GNG7: variants seen among roughly 807,000 people sequenced by gnomAD.
GNG7 encodes the protein G protein subunit gamma 7, also known as guanine nucleotide-binding protein G(I)/G(S)/G(O) subunit gamma-7.
A neutral mutation model predicts 4.0 loss-of-function variants in GNG7; 1 was observed. That is an observed-to-expected ratio of 0.25 (90% CI 0.09 to 1.18). The LOEUF (loss-of-function observed/expected upper bound fraction) is 1.18. Ranked by LOEUF, GNG7 falls within the 50% of genes most tolerant of loss-of-function variation. GNG7 has a pLI of 0.50. For missense variants in GNG7, 86 were observed against 91.9 expected (o/e 0.94, Z 0.26); for synonymous variants, 34 against 36.9 (o/e 0.92, Z 0.29).
chr19:2,695,174 G>A (rs1913215879), intron 1 of GNG7, among the ~76,000 whole-genome samples: 1 of 152,052 alleles, frequency 6.6e-6, no homozygotes, highest in African/African-American at 2.4e-5. Flanking sequence ...AGCGCCCTCT[G>A]TGTACCCACC....
intron 2 of GNG7, among the ~76,000 whole-genome samples, chr19:2,605,280 C>G (rs1334617157): frequency 1.3e-5 from 2 of 152,158 alleles, no homozygotes; most frequent in Admixed American, 1.3e-4. Flanking sequence ...CTCACTGCAA[C>G]CTCCGCCTCC....
At chr19:2,528,301 A>G (rs1978476781) in intron 3 of GNG7, among the ~76,000 whole-genome samples, 2 of 142,870 alleles carry the variant, frequency 1.4e-5, no homozygotes, top group African/African-American at 2.6e-5. Flanking sequence ...GGCCTGGCTC[A>G]GTGGCTCACG....
At position 2,614,070 on chromosome 19, in the gene GNG7, G is replaced by A. The variant is rs1246132685; in HGVS notation, c.-78+32154C>T. On this transcript the variant is annotated intron_variant, in intron 2 of 4. Coordinates refer to ENST00000382159, the MANE Select transcript of GNG7 (RefSeq NM_052847.3). This position sits in a 1 kb window ranked among gnomAD's most constrained non-coding sequence, Gnocchi z 6.0. ...CCTACCCCCGGGGTAAAGGGGGCCA[G>A]CCTCGCACAGGTGGGTCCGTTGCAG... Among the ~76,000 whole-genome samples the A allele has an allele frequency of 2.0e-5, 3 of 152,362 alleles. No individual in the cohort carries two copies. Among genetic ancestry groups the A allele is most frequent in the South Asian group, 2.1e-4 (1 of 4,834 alleles).
chr19:2,661,670 T>TAAAAA (rs57483197), intron 1 of GNG7, among the ~76,000 whole-genome samples: 1 of 108,660 alleles, frequency 9.2e-6, no homozygotes, highest in Non-Finnish European at 1.9e-5. Context: ...GAGACTCCAT[T>TAAAAA]AAAAAAAAAA....
intron 2 of GNG7, among the ~76,000 whole-genome samples, chr19:2,628,984 G>A (rs1246013801): frequency 1.3e-5 from 2 of 152,184 alleles, no homozygotes; most frequent in Admixed American, 6.5e-5. Flanking sequence ...ACCAGGCGGT[G>A]GGGGTCTTGG....
At chr19:2,686,758 T>C (rs1353035054) in intron 1 of GNG7, among the ~76,000 whole-genome samples, 1 of 150,868 alleles carries the variant, frequency 6.6e-6, no homozygotes, top group Non-Finnish European at 1.5e-5. Context: ...TCTTTCTTTT[T>C]TTTTTTTTTT....
intron 2 of GNG7, among the ~76,000 whole-genome samples, chr19:2,556,958 CTAACCTCTTAG>C (rs1356580128): frequency 1.3e-5 from 2 of 152,126 alleles, no homozygotes; most frequent in African/African-American, 4.8e-5. Flanking sequence ...TGTGAGATCC[CTAACCTCTTAG>C]TGACCTAGAG....
At chr19:2,598,433 G>T (rs370759295) in intron 2 of GNG7, among the ~76,000 whole-genome samples, 1 of 151,386 alleles carries the variant, frequency 6.6e-6, no homozygotes, top group African/African-American at 2.4e-5. Flanking sequence ...CGAGGCGGGC[G>T]GATCACGAGG....
chr19:2,663,096 G>A (rs902858289), intron 1 of GNG7, among the ~76,000 whole-genome samples: 2 of 152,286 alleles, frequency 1.3e-5, no homozygotes, highest in Non-Finnish European at 1.5e-5. Context: ...AAGTGTTGGG[G>A]TAATTTGTTA....
In GNG7 at chr19:2,634,781, G is replaced by T. The variant is rs1355451019; in HGVS notation, c.-78+11443C>A. Among the ~76,000 whole-genome samples the T allele has an allele frequency of 6.6e-6, 1 of 152,078 alleles. No homozygotes were observed. The highest frequency in any genetic ancestry group is 1.5e-5 in the Non-Finnish European group (1 of 68,010). On this transcript the variant is annotated intron_variant, in intron 2 of 4. Transcript: ENST00000382159. This position sits in a 1 kb window ranked among gnomAD's most constrained non-coding sequence, Gnocchi z 5.3. ...GCTGAAATCTGGTGACCGACCAGGGGGAAATAAACCCGCTCTGACTGGCCG... is the reference window on the plus strand; with the variant it reads ...GCTGAAATCTGGTGACCGACCAGGGTGAAATAAACCCGCTCTGACTGGCCG...
intron 2 of GNG7, among the ~76,000 whole-genome samples, chr19:2,641,538 G>A (rs564281547): frequency 3.3e-5 from 5 of 152,282 alleles, no homozygotes; most frequent in Non-Finnish European, 7.4e-5. Flanking sequence ...GGATGTGGGT[G>A]CCTCTAGACG....
In GNG7 at chr19:2,513,624, G is replaced by C. The variant is rs1972686509; in HGVS notation, c.*1398C>G. 3 of 972,888 alleles carry C rather than the reference G, an allele frequency of 3.1e-6. No homozygotes were observed. In the Admixed American group the frequency reaches 1.8e-4, roughly 60 times the overall value. The allele number at this position is 972,888 out of a possible 1,614,324, so 60.3% of individuals were successfully genotyped here. On this transcript the variant is annotated 3_prime_UTR_variant, in exon 5 of 5. Transcript: ENST00000382159. Reference sequence around the variant, plus strand: ...AGACAGCCGTCCTGGGTTGCACGGGGGTGGAAAAGCAAAAAGATCGGGTTC... The same window carrying C: ...AGACAGCCGTCCTGGGTTGCACGGGCGTGGAAAAGCAAAAAGATCGGGTTC...
chr19:2,642,977 T>C, intron 2 of GNG7: 2 of 437,594 alleles, frequency 4.6e-6, no homozygotes, highest in South Asian at 1.6e-5. Context: ...GCACCCGAAA[T>C]GCAAAGTCTG....
chr19:2,670,150 C>T (rs754777156), intron 1 of GNG7, among the ~76,000 whole-genome samples: 12 of 152,082 alleles, frequency 7.9e-5, no homozygotes, highest in Non-Finnish European at 1.6e-4. Flanking sequence ...CTGAGTGCTC[C>T]GTTAATATTT....
At chr19:2,579,279 C>G (rs1980432630) in intron 2 of GNG7, among the ~76,000 whole-genome samples, 1 of 152,234 alleles carries the variant, frequency 6.6e-6, no homozygotes, top group Non-Finnish European at 1.5e-5. Context: ...AACCCAGAGT[C>G]CAGGCCACGC....
chr19:2,619,963 G>C (rs1046036154), intron 2 of GNG7, among the ~76,000 whole-genome samples: 2 of 151,618 alleles, frequency 1.3e-5, no homozygotes, highest in Non-Finnish European at 1.5e-5. Flanking sequence ...GGAGGACGAG[G>C]GGGGGGCGCG....
rs1982020776 is a variant in GNG7 at position 2,626,317 on chromosome 19, A to T, written c.-78+19907T>A. Among the ~76,000 whole-genome samples the T allele has an allele frequency of 6.6e-6, 1 of 152,090 alleles. No individual in the cohort carries two copies. The highest frequency in any genetic ancestry group is 6.5e-5 in the Admixed American group (1 of 15,270). Reference sequence around the variant, plus strand: ...ACCCACCGGGATCTCTGCCACCCACAGGAGGCTGGGGCATCTCTCACCCCC... The same window carrying T: ...ACCCACCGGGATCTCTGCCACCCACTGGAGGCTGGGGCATCTCTCACCCCC... On this transcript the variant is annotated intron_variant, in intron 2 of 4. Coordinates refer to ENST00000382159, the MANE Select transcript of GNG7 (RefSeq NM_052847.3). The surrounding 1 kb of genome is among the most constrained non-coding windows in gnomAD (Gnocchi z 5.0).
At chr19:2,554,149 A>G (rs1367471655) in intron 3 of GNG7, among the ~76,000 whole-genome samples, 1 of 146,262 alleles carries the variant, frequency 6.8e-6, no homozygotes, top group Non-Finnish European at 1.5e-5. Context: ...GCAGTGAACT[A>G]TAATATATTA....
At chr19:2,603,598 A>C (rs980199001) in intron 2 of GNG7, among the ~76,000 whole-genome samples, 11 of 152,136 alleles carry the variant, frequency 7.2e-5, no homozygotes, top group Admixed American at 2.0e-4. Flanking sequence ...TCGACCAAAA[A>C]CTATGCAGGG....
Sources: gnomAD v4.1 joint callset for allele counts (sites outside exome capture counted in the v4.1 genomes callset) on GRCh38, gnomAD v4.1.1 for gene constraint, Gnocchi (gnomAD v3.1) non-coding constraint, MANE v1.5 for transcripts, NCBI Gene and HGNC (gene_info 2026-07-23, HGNC 2026-07-21) for gene names.